The following CNGB1 variants were observed in gnomAD, a reference collection of about 807,000 sequenced individuals.
The protein encoded by CNGB1 is cyclic nucleotide-gated channel beta-1.
CNGB1 carries 126 observed loss-of-function variants against 151.7 expected under a neutral mutation model. The observed-to-expected ratio is 0.83, with a 90% CI of 0.72 to 0.96. The LOEUF (loss-of-function observed/expected upper bound fraction) is 0.96, where lower values mean the gene tolerates loss of function less well. Ranked by LOEUF, CNGB1 falls within the 40% of genes least tolerant of loss-of-function variation. The probability of loss-of-function intolerance (pLI) is 0.00; values close to 1 mark genes in which losing one functional copy is unlikely to be tolerated. For missense variants in CNGB1, 1,698 were observed against 1,627.0 expected (o/e 1.04, Z -0.75); for synonymous variants, 623 against 635.1 (o/e 0.98, Z 0.29).
At chr16:57,917,188 G>T in intron 21 of CNGB1, 80 bp downstream of exon 21, 2 of 1,143,448 alleles carry the variant, frequency 1.7e-6, no homozygotes, top group Non-Finnish European at 2.6e-6. Context: ...ATCTATGACA[G>T]CATCAGGGGT....
intron 14 of CNGB1, among the ~76,000 whole-genome samples, chr16:57,945,170 C>T (rs1323758534): frequency 6.6e-6 from 1 of 152,112 alleles, no homozygotes; most frequent in African/African-American, 2.4e-5. Context: ...GCATCACTGA[C>T]CCCAAGGCCA....
intron 18 of CNGB1, 65 bp downstream of exon 18, chr16:57,923,208 G>GCCC: frequency 8.1e-7 from 1 of 1,231,554 alleles, no homozygotes; most frequent in Non-Finnish European, 1.2e-6. Context: ...ATCCACACTA[G>GCCC]CCCCCCCACA....
At chr16:57,906,115 C>T (rs1960543561) in intron 25 of CNGB1, among the ~76,000 whole-genome samples, 1 of 152,180 alleles carries the variant, frequency 6.6e-6, no homozygotes, top group Admixed American at 6.5e-5. Context: ...TATGCAGTGT[C>T]CTAGATAGAA....
intron 1 of CNGB1, 102 bp from the exon 2 acceptor site, chr16:57,967,396 A>T: frequency 7.8e-7 from 1 of 1,279,622 alleles, no homozygotes; most frequent in Non-Finnish European, 1.1e-6. Flanking sequence ...TCCTTCATCA[A>T]CTTTAAAAAC....
intron 1 of CNGB1, among the ~76,000 whole-genome samples, chr16:57,970,815 C>T (rs1446822400): frequency 6.6e-6 from 1 of 152,094 alleles, no homozygotes; most frequent in Non-Finnish European, 1.5e-5. Flanking sequence ...TTTCCAGAGT[C>T]TTCTGGAGAG....
intron 17 of CNGB1, among the ~76,000 whole-genome samples, chr16:57,923,995 T>C (rs2149368328): frequency 6.6e-6 from 1 of 152,234 alleles, no homozygotes; most frequent in East Asian, 1.9e-4. Flanking sequence ...GAAGTCCAAG[T>C]CTGCCATGGA....
chr16:57,949,768 C>A (rs1434651768), intron 13 of CNGB1, among the ~76,000 whole-genome samples: 3 of 152,204 alleles, frequency 2.0e-5, no homozygotes, highest in African/African-American at 4.8e-5. Flanking sequence ...CACCAAGCAT[C>A]TCTAGTAGGA....
In CNGB1 at chr16:57,883,956, T is replaced by G; in HGVS notation, c.*208A>C. 1.6e-6 allele frequency: 1 copy of G among 634,904 alleles called. No individual in the cohort carries two copies. The highest frequency in any genetic ancestry group is 1.9e-5 in the South Asian group (1 of 52,474). 39.3% of individuals were successfully genotyped at this position (634,904 alleles called of 1,614,324 possible). A position where few individuals can be genotyped will look rare whatever the true frequency, so the allele number is the denominator to read the frequency against. On this transcript the variant is annotated 3_prime_UTR_variant, in exon 33 of 33. Transcript: ENST00000251102. ...CAGGGACTCGAACACTTGATGCAAC[T>G]TGTCGAGCTCAGGCCCAGCCCCGCG...
Position 57,939,482 on chromosome 16 carries a change from C to A in CNGB1, c.1320G>T (p.Trp440Cys). The change falls in exon 16 of 33, where the codon TGG becomes TGT. Residue 440 changes from tryptophan (W) to cysteine (C), a missense_variant. Physicochemically the swap from Trp to Cys is radical, Grantham distance 215 (BLOSUM62 -2). Coordinates refer to ENST00000251102, the MANE Select transcript of CNGB1 (RefSeq NM_001297.5). ...EEEAEKEPQD[W>C]AETKEEPEAE... is the part of the protein sequence containing the mutation. ...CCTCAGGCTCCTCCTTGGTCTCCGC[C>A]CAGTCCTGGGGCTCCTTTTCAGCCT... 6.2e-7 allele frequency: 1 copy of A among 1,614,172 alleles called. No homozygotes were observed. Among genetic ancestry groups the A allele is most frequent in the African/African-American group, 1.3e-5 (1 of 75,042 alleles).
rs766577065 is a variant in CNGB1 at position 57,903,953 on chromosome 16, G to C, written c.2663C>G (p.Ala888Gly). Reference protein sequence around the residue: ...QMRDVVGAATAGQTYYRSCMD... With the variant: ...QMRDVVGAATGGQTYYRSCMD... ...GCAGCTGCGGTAGTAGGTCTGTCCGGCGGTGGCGGCCCCTACCACATCTCT... is the reference window on the plus strand; with the variant it reads ...GCAGCTGCGGTAGTAGGTCTGTCCGCCGGTGGCGGCCCCTACCACATCTCT... The change falls in exon 27 of 33, where the codon GCC (alanine) becomes GGC (glycine). Residue 888 changes from alanine to glycine, a missense_variant. By Grantham distance (60) the Ala-to-Gly change is moderately conservative. Coordinates refer to ENST00000251102, the MANE Select transcript of CNGB1 (RefSeq NM_001297.5). 1.2e-6 allele frequency: 2 copies of C among 1,613,950 alleles called. No individual in the cohort carries two copies. The highest frequency in any genetic ancestry group is 1.7e-6 in the Non-Finnish European group (2 of 1,179,986).
chr16:57,902,259 C>T lies in CNGB1; in HGVS notation c.2795-634G>A, dbSNP rs141719393. Among the ~76,000 whole-genome samples the T allele has an allele frequency of 6.9e-3, 1,050 of 151,856 alleles. 16 individuals carry two copies. The highest frequency in any genetic ancestry group is 0.024 in the African/African-American group (1,010 of 41,380). On this transcript the variant is annotated intron_variant, in intron 27 of 32. Coordinates refer to ENST00000251102, the MANE Select transcript of CNGB1 (RefSeq NM_001297.5). ...TAATTTTTTGTATTTTTAGTAGAAA[C>T]GGGGTTTCACCATGTTGGCCAGGCT... is the stretch of plus-strand genomic sequence containing the variant.
rs181865757 is a variant in CNGB1, at chr16:57,905,305, G to A, written c.2493-430C>T. Among the ~76,000 whole-genome samples, 263 of 152,266 alleles carry A rather than the reference G, an allele frequency of 1.7e-3. 1 individual carries two copies. Among genetic ancestry groups the A allele is most frequent in the Non-Finnish European group, 2.4e-3 (163 of 68,036 alleles). Reference sequence around the variant, plus strand: ...AGCAAAAGCAACATCAAGTTTGGACGATATCTTGAGGATGACTTTTTCTGA... The same window carrying A: ...AGCAAAAGCAACATCAAGTTTGGACAATATCTTGAGGATGACTTTTTCTGA... On this transcript the variant is annotated intron_variant, in intron 25 of 32. Coordinates refer to ENST00000251102, the MANE Select transcript of CNGB1 (RefSeq NM_001297.5).
At position 57,958,478 on chromosome 16, in the gene CNGB1, C is replaced by G; in HGVS notation, c.769G>C (p.Ala257Pro). The G allele has an allele frequency of 6.2e-7, 1 of 1,614,076 alleles. No homozygotes were observed. Among genetic ancestry groups the G allele is most frequent in the Non-Finnish European group, 8.5e-7 (1 of 1,179,964 alleles). Residue 257 changes from alanine to proline, a missense_variant, in exon 11 of 33, where the codon GCA becomes CCA. Transcript: ENST00000251102. The stretch of plus-strand genomic sequence containing the variant: ...ATCTCCAGCCTGTGCAGGACCCATG[C>G]CACCAGCCTGCAGGTGGGAGAGAGT... ...PPTRDPARLV[A>P]WVLHRLEMAL... is the part of the protein sequence containing the mutation.
At chr16:57,915,465 T>A in intron 22 of CNGB1, 130 bp from the exon 23 acceptor site, 1 of 757,612 alleles carries the variant, frequency 1.3e-6, no homozygotes, top group Non-Finnish European at 2.3e-6. Context: ...AGCTTAAAAC[T>A]AGAGGGCAGA....
intron 25 of CNGB1, among the ~76,000 whole-genome samples, chr16:57,905,614 C>T (rs932133882): frequency 1.3e-5 from 2 of 152,256 alleles, no homozygotes; most frequent in African/African-American, 4.8e-5. Context: ...ACTTAATTCC[C>T]AGTGCAATGG....
In CNGB1 at chr16:57,882,892, T is replaced by C. The variant is rs1425094198; in HGVS notation, c.*1272A>G. ...TGCTGTCATCAGCTGGGAGATTTCA[T>C]TTTCTAGGATTAATTGAAGTTGCTG... On this transcript the variant is annotated 3_prime_UTR_variant, in exon 33 of 33. Transcript: ENST00000251102. The C allele has an allele frequency of 2.6e-5, 4 of 151,820 alleles. No individual in the cohort carries two copies. The highest frequency in any genetic ancestry group is 9.7e-5 in the African/African-American group (4 of 41,276). The allele number at this position is 151,820 out of a possible 1,614,324, so 9.4% of individuals were successfully genotyped here.
intron 29 of CNGB1, among the ~76,000 whole-genome samples, chr16:57,900,371 C>T (rs184914174): frequency 1.2e-4 from 19 of 152,304 alleles, no homozygotes; most frequent in East Asian, 3.9e-4. Context: ...TTCTTGGGGA[C>T]GGGGGTTCCC....
rs373363325 is a variant in CNGB1 at position 57,915,279 on chromosome 16, G to T, written c.2274C>A (p.Asn758Lys). ...LDFLYLKVGV[N>K]PLLRLPRCLK... Reference sequence around the variant, plus strand: ...AACAGCGGGGCAGGCGGAGGAGGGGGTTCACACCGACTTTCAAATAGAGAA... The same window carrying T: ...AACAGCGGGGCAGGCGGAGGAGGGGTTTCACACCGACTTTCAAATAGAGAA... The change falls in exon 23 of 33, where the codon AAC becomes AAA. Residue 758 changes from asparagine to lysine, a missense_variant. By Grantham distance (94) the Asn-to-Lys change is moderately conservative. Coordinates refer to ENST00000251102, the MANE Select transcript of CNGB1 (RefSeq NM_001297.5). 130 of 1,613,926 alleles carry T rather than the reference G, an allele frequency of 8.1e-5. No homozygotes were observed. The highest frequency in any genetic ancestry group is 1.1e-4 in the Non-Finnish European group (126 of 1,179,948).
At chr16:57,962,399 A>T (rs1962280026) in intron 7 of CNGB1, among the ~76,000 whole-genome samples, 166 bp downstream of exon 7, 1 of 152,124 alleles carries the variant, frequency 6.6e-6, no homozygotes, top group African/African-American at 2.4e-5. Context: ...TGAGCAGCAC[A>T]CGGTCCACTG....
Sources: allele counts gnomAD v4.1 joint callset (sites outside exome capture counted in the v4.1 genomes callset), GRCh38; gene constraint gnomAD v4.1.1; transcripts MANE v1.5; gene names NCBI Gene and HGNC (gene_info 2026-07-23, HGNC 2026-07-21).